Variants in PTER observed in about 807,000 individuals in gnomAD.
PTER encodes phosphotriesterase related.
In PTER, 38 loss-of-function variants were observed where a neutral mutation model predicts 29.6. That is an observed-to-expected ratio of 1.28 (90% CI 0.99 to 1.68). The LOEUF (loss-of-function observed/expected upper bound fraction) is 1.68, where lower values mean the gene tolerates loss of function less well. Ranked by LOEUF, PTER falls within the 40% of genes most tolerant of loss-of-function variation. The probability of loss-of-function intolerance (pLI) is 0.00; values close to 1 mark genes in which losing one functional copy is unlikely to be tolerated. For missense variants in PTER, 482 were observed against 427.8 expected, an observed-to-expected ratio of 1.13 and a Z score of -1.12; for synonymous variants, 172 against 154.5, an observed-to-expected ratio of 1.11 and a Z score of -0.84.
At chr10:16,456,413 C>T (rs1834395946) in intron 1 of PTER, among the ~76,000 whole-genome samples, 1 of 152,172 alleles carries the variant, frequency 6.6e-6, no homozygotes, top group Admixed American at 6.5e-5. Flanking sequence ...AACACAATAT[C>T]CTGCCAGTCT....
chr10:16,468,087 A>G (rs1834905892), intron 1 of PTER, among the ~76,000 whole-genome samples: 1 of 152,216 alleles, frequency 6.6e-6, no homozygotes, highest in African/African-American at 2.4e-5. Flanking sequence ...CATGACTGTA[A>G]TCCCAGCACT....
intron 3 of PTER, among the ~76,000 whole-genome samples, chr10:16,502,410 A>T (rs1448549328): frequency 3.3e-5 from 5 of 152,216 alleles, no homozygotes; most frequent in African/African-American, 9.7e-5. Context: ...GAAGCAAAAG[A>T]TGGTCTCCAT....
At chr10:16,508,254 G>C (rs908416306) in intron 4 of PTER, among the ~76,000 whole-genome samples, 14 of 151,862 alleles carry the variant, frequency 9.2e-5, no homozygotes, top group Non-Finnish European at 2.9e-5. Context: ...ATTTTTAGTA[G>C]AGACGGGGTT....
At chr10:16,474,018 C>G (rs1835161542) in intron 1 of PTER, among the ~76,000 whole-genome samples, 1 of 152,158 alleles carries the variant, frequency 6.6e-6, no homozygotes, top group South Asian at 2.1e-4. Flanking sequence ...GAGTTCGAGA[C>G]CAGCCTGGCC....
chr10:16,495,676 C>T (rs184196123), intron 3 of PTER, among the ~76,000 whole-genome samples: 21 of 152,240 alleles, frequency 1.4e-4, no homozygotes, highest in African/African-American at 4.8e-4. Context: ...GAGCTAGTTC[C>T]ATGAGCCACA....
chr10:16,438,528 C>T (rs1376151326), intron 1 of PTER, among the ~76,000 whole-genome samples: 5 of 149,852 alleles, frequency 3.3e-5, no homozygotes, highest in African/African-American at 1.2e-4. Context: ...AGGTTGGTGT[C>T]AAACTCCTGG....
At chr10:16,499,990 C>G (rs1188897672) in intron 3 of PTER, among the ~76,000 whole-genome samples, 1 of 152,032 alleles carries the variant, frequency 6.6e-6, no homozygotes, top group South Asian at 2.1e-4. Context: ...AGAGGCTTGG[C>G]CTCCCAAAGT....
intron 1 of PTER, among the ~76,000 whole-genome samples, chr10:16,480,806 G>T (rs117050665): frequency 0.019 from 2,932 of 152,248 alleles, 36 homozygotes; most frequent in Admixed American, 0.03. Context: ...CCAAACTACC[G>T]TCCTGCACAC....
intron 3 of PTER, among the ~76,000 whole-genome samples, chr10:16,503,697 C>T (rs1836452102): frequency 6.6e-6 from 1 of 152,148 alleles, no homozygotes; most frequent in Non-Finnish European, 1.5e-5. Context: ...TGAGCCACCA[C>T]ACCCAGCCAT....
At chr10:16,501,510 C>T (rs1222122876) in intron 3 of PTER, among the ~76,000 whole-genome samples, 1 of 151,976 alleles carries the variant, frequency 6.6e-6, no homozygotes, top group African/African-American at 2.4e-5. Flanking sequence ...ATATAGTTAC[C>T]CTCTGACTTA....
intron 1 of PTER, among the ~76,000 whole-genome samples, chr10:16,483,394 T>A (rs1057317326): frequency 6.6e-6 from 1 of 152,234 alleles, no homozygotes; most frequent in African/African-American, 2.4e-5. Context: ...TATTTCATTA[T>A]TCAACCGAGT....
intron 1 of PTER, among the ~76,000 whole-genome samples, chr10:16,449,499 A>G (rs1338577661): frequency 7.5e-6 from 1 of 132,772 alleles, no homozygotes; most frequent in African/African-American, 2.9e-5. Flanking sequence ...GCAGTGGTGC[A>G]GTCTCGGCTC....
Position 16,486,536 on chromosome 10 carries a change from C to A in PTER, c.617C>A (p.Ser206Tyr), listed in dbSNP as rs1293047481. 6.2e-7 allele frequency: 1 copy of A among 1,613,884 alleles called. No individual in the cohort carries two copies. The highest frequency in any genetic ancestry group is 2.2e-5 in the East Asian group (1 of 44,872). Residue 206 changes from serine (S) to tyrosine (Y), a missense_variant, in exon 3 of 5, where the codon TCC (serine) becomes TAC (tyrosine). Coordinates refer to ENST00000535784, the MANE Select transcript of PTER (RefSeq NM_001261836.2). ...GTTATTATCCATCCTGGACGGAGCTCCAGGGCACCATTTCAGATTATCCGA... is the reference window on the plus strand; with the variant it reads ...GTTATTATCCATCCTGGACGGAGCTACAGGGCACCATTTCAGATTATCCGA... ...CPVIIHPGRS[S>Y]RAPFQIIRIL...
At chr10:16,514,438 A>G, downstream of PTER, 2 of 1,112,134 alleles carry the variant, frequency 1.8e-6, no homozygotes, top group Non-Finnish European at 2.6e-6. Context: ...GTGCCCTGCC[A>G]TTGGCATCCC....
At chr10:16,442,310 T>A (rs548534478) in intron 1 of PTER, among the ~76,000 whole-genome samples, 1 of 152,364 alleles carries the variant, frequency 6.6e-6, no homozygotes, top group African/African-American at 2.4e-5. Context: ...ATGTCTCATC[T>A]CCTACATTCT....
chr10:16,460,747 T>C (rs984440063), intron 1 of PTER, among the ~76,000 whole-genome samples: 2 of 152,048 alleles, frequency 1.3e-5, no homozygotes. Context: ...AAAATTACAG[T>C]CTTTTTTTTT....
chr10:16,461,879 G>A (rs1051876481), intron 1 of PTER, among the ~76,000 whole-genome samples: 2 of 151,668 alleles, frequency 1.3e-5, no homozygotes, highest in Non-Finnish European at 2.9e-5. Flanking sequence ...TTTAAGACTT[G>A]AGTGATACCA....
chr10:16,511,356 A>G lies in PTER; in HGVS notation c.*100A>G, dbSNP rs1052708. 0.092 allele frequency: 97,846 copies of G among 1,063,580 alleles called. 5,856 individuals carry two copies. The highest frequency in any genetic ancestry group is 0.22 in the East Asian group (9,204 of 41,538). The allele number at this position is 1,063,580 out of a possible 1,614,324, so 65.9% of individuals were successfully genotyped here. ...GATATTAATCAGTTACCTAGGACTA[A>G]TGACAGATCATTTCCTTCTGATGAG... On this transcript the variant is annotated 3_prime_UTR_variant, in exon 5 of 5. Transcript: ENST00000535784.
At chr10:16,503,640 A>C (rs2133500101) in intron 3 of PTER, among the ~76,000 whole-genome samples, 1 of 152,222 alleles carries the variant, frequency 6.6e-6, no homozygotes, top group East Asian at 1.9e-4. Context: ...TCCTGACCTC[A>C]GGTGATCCAC....
Sources: allele counts gnomAD v4.1 joint callset (sites outside exome capture counted in the v4.1 genomes callset), GRCh38; gene constraint gnomAD v4.1.1; transcripts MANE v1.5; gene names NCBI Gene and HGNC (gene_info 2026-07-23, HGNC 2026-07-21).